The following TBX1 variants were observed in gnomAD, a reference collection of about 807,000 sequenced individuals.
TBX1 encodes T-box transcription factor TBX1.
A neutral mutation model predicts 40.8 loss-of-function variants in TBX1; 16 were observed. The ratio of observed to expected loss-of-function variants is 0.39; its 90% CI spans 0.27 to 0.60. The LOEUF is 0.60. Ranked by LOEUF, TBX1 falls within the 20% of genes least tolerant of loss-of-function variation. The pLI, the probability that TBX1 is intolerant of heterozygous loss-of-function variation, is 0.51. For missense variants in TBX1, 755 were observed against 728.5 expected (o/e 1.04, Z -0.42); for synonymous variants, 403 against 336.8 (o/e 1.20, Z -2.15).
intron 3 of TBX1, 41 bp downstream of exon 3, chr22:19,764,367 C>G (rs770484760): frequency 6.2e-7 from 1 of 1,601,564 alleles, no homozygotes; most frequent in Non-Finnish European, 8.5e-7. Context: ...CCCCCAAGGC[C>G]TCGAGTCCCG....
chr22:19,771,402 C>CTCAG (rs1271889529), downstream of TBX1, among the ~76,000 whole-genome samples: 1 of 152,226 alleles, frequency 6.6e-6, no homozygotes, highest in Non-Finnish European at 1.5e-5. Flanking sequence ...ACTCCGGAGA[C>CTCAG]TCAGTGTCTC....
chr22:19,765,878 C>T (rs569704302), intron 5 of TBX1, 24 bp from the exon 6 acceptor site: 1 of 1,553,546 alleles, frequency 6.4e-7, no homozygotes, highest in East Asian at 2.5e-5. Context: ...GCAGGCGCCG[C>T]CCTGATCCGC....
intron 3 of TBX1, among the ~76,000 whole-genome samples, chr22:19,764,566 G>A (rs954807787): frequency 6.6e-6 from 1 of 152,240 alleles, no homozygotes; most frequent in South Asian, 2.1e-4. Context: ...AGCCTAGTGG[G>A]CCTGGGCCCT....
chr22:19,772,831 C>T (rs1327423924), intron 8 of TBX1, among the ~76,000 whole-genome samples: 6 of 152,230 alleles, frequency 3.9e-5, no homozygotes, highest in African/African-American at 1.4e-4. Flanking sequence ...AGTACGTCTT[C>T]CCAGGGCAGG....
At chr22:19,763,021 G>C (rs1021540443) in intron 1 of TBX1, among the ~76,000 whole-genome samples, 1 of 152,210 alleles carries the variant, frequency 6.6e-6, no homozygotes, top group Non-Finnish European at 1.5e-5. Context: ...GTCCAGGAAC[G>C]GCCCAGGAGG....
chr22:19,781,029 G>T (rs1049499369), downstream of TBX1, among the ~76,000 whole-genome samples: 2 of 151,988 alleles, frequency 1.3e-5, no homozygotes, highest in African/African-American at 4.8e-5. Flanking sequence ...TGATCCACCC[G>T]CCTCAGCCTC....
rs1436197481 is a variant in TBX1 at position 19,766,615 on chromosome 22, C to T, written c.1263C>T (p.His421=). ...LEAPGASEPL[H]HHPYKYPAAA... is the part of the protein sequence containing the mutation. ...CGCCCGGCGCATCGGAGCCGCTGCA[C>T]CACCACCCCTACAAATATCCGGCCG... Residue 421 remains histidine (H), a synonymous_variant, in exon 7 of 7, where the codon CAC becomes CAT. Coordinates refer to ENST00000649276, the MANE Select transcript of TBX1 (RefSeq NM_001379200.1). 8.5e-6 allele frequency: 13 copies of T among 1,532,660 alleles called. No individual in the cohort carries two copies. In the South Asian group the frequency reaches 9.5e-5, roughly 11 times the overall value. 94.9% of individuals were successfully genotyped at this position (1,532,660 alleles called of 1,614,324 possible).
intron 8 of TBX1, among the ~76,000 whole-genome samples, chr22:19,775,279 G>C (rs1259612554): frequency 2.0e-5 from 3 of 151,476 alleles, no homozygotes; most frequent in African/African-American, 4.9e-5. Flanking sequence ...ATTTTTAGTA[G>C]AGACGGGGTT....
At position 19,766,704 on chromosome 22, in the gene TBX1, G is replaced by C. The variant is rs755937050; in HGVS notation, c.1352G>C (p.Arg451Pro). The change falls in exon 7 of 7, where the codon CGT (arginine) becomes CCT (proline). Residue 451 changes from arginine (R) to proline (P), a missense_variant. Physicochemically the swap from Arg to Pro is moderately radical, Grantham distance 103. Transcript: ENST00000649276. ...RPAPYPLPGL[R>P]GHGYHPHAHP... ...GCGCCCTACCCGCTGCCCGGCCTGC[G>C]TGGCCACGGCTACCACCCGCACGCG... 243 of 1,545,000 alleles carry C rather than the reference G, an allele frequency of 1.6e-4. 2 individuals are homozygous for C. In the South Asian group the frequency reaches 2.3e-3, roughly 14 times the overall value.
intron 8 of TBX1, chr22:19,779,131 G>A (rs1937110759): frequency 1.4e-6 from 2 of 1,478,968 alleles, no homozygotes; most frequent in African/African-American, 1.4e-5. Flanking sequence ...TTCAGACACT[G>A]GACATTTGTG....
At chr22:19,776,868 G>T (rs1937073116) in intron 8 of TBX1, among the ~76,000 whole-genome samples, 1 of 152,174 alleles carries the variant, frequency 6.6e-6, no homozygotes, top group African/African-American at 2.4e-5. Context: ...CTCGGGAGGT[G>T]CCGTGCCGCG....
chr22:19,760,333 T>G (rs1601281346), upstream of TBX1, among the ~76,000 whole-genome samples: 1 of 133,826 alleles, frequency 7.5e-6, no homozygotes. Flanking sequence ...AAGGCGAGGA[T>G]GGAGGAAAAG....
chr22:19,761,954 C>G (rs2145830106), intron 1 of TBX1, among the ~76,000 whole-genome samples: 1 of 152,318 alleles, frequency 6.6e-6, no homozygotes, highest in South Asian at 2.1e-4. Context: ...CAGATGCACC[C>G]GATTTGACCG....
At chr22:19,766,347 C>G in intron 6 of TBX1, 42 bp from the exon 7 acceptor site, 1 of 1,248,830 alleles carries the variant, frequency 8.0e-7, no homozygotes, top group Non-Finnish European at 1.0e-6. Flanking sequence ...AGCTCCTCGG[C>G]GGCCCCGGCC....
At chr22:19,765,230 T>G in intron 4 of TBX1, 117 bp downstream of exon 4, 7 of 1,507,108 alleles carry the variant, frequency 4.6e-6, no homozygotes, top group Non-Finnish European at 6.4e-6. Context: ...GTGGTCCCAG[T>G]GGAGCCCAAC....
chr22:19,766,553 C>T lies in TBX1; in HGVS notation c.1201C>T (p.Arg401Trp), dbSNP rs1265415106. 1.4e-6 allele frequency: 2 copies of T among 1,389,940 alleles called. No homozygotes were observed. Among genetic ancestry groups the T allele is most frequent in the Non-Finnish European group, 1.9e-6 (2 of 1,073,094 alleles). 86.1% of individuals were successfully genotyped at this position (1,389,940 alleles called of 1,614,324 possible). The stretch of plus-strand genomic sequence containing the variant: ...CCCGCTGCCCGGCGCGCCCGGAGGC[C>T]GGCCCAGTCCCCCGAACCCCGAGCT... ...LVPLPGAPGG[R>W]PSPPNPELRL... Residue 401 changes from arginine to tryptophan, a missense_variant, in exon 7 of 7, where the codon CGG (arginine) becomes TGG (tryptophan). By Grantham distance (101) the Arg-to-Trp change is moderately radical (BLOSUM62 -3). Coordinates refer to ENST00000649276, the MANE Select transcript of TBX1 (RefSeq NM_001379200.1).
In TBX1 at chr22:19,764,949, G is replaced by C. The variant is rs755560948; in HGVS notation, c.712-9G>C. The C allele has an allele frequency of 6.1e-5, 99 of 1,613,826 alleles. No homozygotes were observed. The highest frequency in any genetic ancestry group is 8.4e-5 in the Non-Finnish European group (99 of 1,179,922). ...ACCGCTGGAGCTGATTCCCCACCTT[G>C]TCTTCCAGATTATTCTGAATTCCAT... On this transcript the variant is annotated splice_polypyrimidine_tract_variant and intron_variant, in intron 3 of 6. Coordinates refer to ENST00000649276, the MANE Select transcript of TBX1 (RefSeq NM_001379200.1).
upstream of TBX1, among the ~76,000 whole-genome samples, chr22:19,760,394 G>A (rs1190798888): frequency 6.7e-6 from 1 of 149,002 alleles, no homozygotes; most frequent in Non-Finnish European, 1.5e-5. Context: ...CAGAGATAGG[G>A]GAAGAAAAAA....
downstream of TBX1, among the ~76,000 whole-genome samples, chr22:19,781,003 C>T (rs1367786951): frequency 3.3e-5 from 5 of 151,966 alleles, no homozygotes; most frequent in Non-Finnish European, 5.9e-5. Context: ...AGGATGGTCT[C>T]GATCTCCTGA....
Sources: gnomAD v4.1 joint callset for allele counts (sites outside exome capture counted in the v4.1 genomes callset) on GRCh38, gnomAD v4.1.1 for gene constraint, MANE v1.5 for transcripts, NCBI Gene and HGNC (gene_info 2026-07-23, HGNC 2026-07-21) for gene names.